RMDN2: variants seen among roughly 807,000 people sequenced by gnomAD.
RMDN2 encodes the protein regulator of microtubule dynamics protein 2.
RMDN2 carries 61 observed loss-of-function variants against 52.8 expected under a neutral mutation model. That is an observed-to-expected ratio of 1.16 (90% confidence interval 0.94 to 1.43). The LOEUF is 1.43. Among genes scored for constraint, RMDN2 ranks in the 40% most tolerant of loss-of-function variants. The pLI, the probability that RMDN2 is intolerant of heterozygous loss-of-function variation, is 0.00. For synonymous variants in RMDN2, 180 were observed against 153.1 expected (o/e 1.18, Z -1.30); for missense variants, 592 against 475.3 (o/e 1.25, Z -2.28).
intron 2 of RMDN2, among the ~76,000 whole-genome samples, chr2:37,967,286 A>G (rs1438175210): frequency 6.6e-6 from 1 of 152,258 alleles, no homozygotes; most frequent in Admixed American, 6.5e-5. Flanking sequence ...AATGGGTGCT[A>G]AAACTGTTGC....
intron 6 of RMDN2, 69 bp from the exon 7 acceptor site, chr2:37,991,151 C>A (rs1223904038): frequency 5.1e-6 from 4 of 787,724 alleles, no homozygotes; most frequent in South Asian, 2.0e-5. Flanking sequence ...AGTTACTAGG[C>A]TTTGGTGTAG....
intron 2 of RMDN2, among the ~76,000 whole-genome samples, chr2:37,966,683 T>G (rs568783080): frequency 9.0e-4 from 137 of 152,330 alleles, no homozygotes; most frequent in African/African-American, 3.2e-3. Context: ...TTGTTTGTTT[T>G]TTTGCCTGTT....
rs1050685396 is a variant in RMDN2 at position 37,925,371 on chromosome 2, A to T, written c.-71A>T. 3 of 152,340 alleles carry T rather than the reference A, an allele frequency of 2.0e-5. No homozygotes were observed. The highest frequency in any genetic ancestry group is 4.4e-5 in the Non-Finnish European group (3 of 68,168). The allele number at this position is 152,340 out of a possible 1,614,324, so 9.4% of individuals were successfully genotyped here. ...TACTGTCCGTCCGCCACTGCGCGCCAGCAGGTCCTGGTCTCCGCTCTCCAA... is the reference window on the plus strand; with the variant it reads ...TACTGTCCGTCCGCCACTGCGCGCCTGCAGGTCCTGGTCTCCGCTCTCCAA... On this transcript the variant is annotated 5_prime_UTR_variant, in exon 1 of 11. Transcript: ENST00000354545.
At chr2:37,987,170 G>C (rs995536295) in intron 5 of RMDN2, among the ~76,000 whole-genome samples, 2 of 152,040 alleles carry the variant, frequency 1.3e-5, no homozygotes, top group Admixed American at 1.3e-4. Context: ...CTCTATACCA[G>C]CAATGAAGAA....
At chr2:38,026,920 G>GT (rs1328697055) in intron 10 of RMDN2, 1 of 142,252 alleles carries the variant, frequency 7.0e-6, no homozygotes, top group Non-Finnish European at 1.5e-5. Flanking sequence ...TTAAAAGTCT[G>GT]TTTTGTTTCA....
intron 10 of RMDN2, among the ~76,000 whole-genome samples, chr2:38,007,788 T>C (rs773334534): frequency 1.2e-4 from 18 of 152,206 alleles, no homozygotes; most frequent in Non-Finnish European, 2.2e-4. Context: ...GTTCTTTTAA[T>C]TGTGATGTTA....
intron 2 of RMDN2, among the ~76,000 whole-genome samples, chr2:37,942,326 CTG>C: frequency 6.6e-6 from 1 of 152,284 alleles, no homozygotes; most frequent in Non-Finnish European, 1.5e-5. Flanking sequence ...ATGCTGCAGA[CTG>C]GAGCTGTTTC....
chr2:38,019,945 T>C (rs540200451), downstream of RMDN2, among the ~76,000 whole-genome samples: 2 of 152,280 alleles, frequency 1.3e-5, no homozygotes, highest in South Asian at 4.2e-4. Context: ...AAAAAAATTT[T>C]TTTTAATTTA....
intron 2 of RMDN2, among the ~76,000 whole-genome samples, chr2:37,966,172 AG>A (rs1261879458): frequency 6.6e-6 from 1 of 152,168 alleles, no homozygotes; most frequent in Non-Finnish European, 1.5e-5. Context: ...CTGTAATCCC[AG>A]CACTTTGGGA....
upstream of RMDN2, among the ~76,000 whole-genome samples, chr2:37,925,097 C>A (rs1383300723): frequency 6.6e-6 from 1 of 152,176 alleles, no homozygotes; most frequent in African/African-American, 2.4e-5. Flanking sequence ...AAGGTGCCGA[C>A]CGGCTTCGAA....
rs764732419 is a variant in RMDN2, at chr2:37,981,349, T to A, written c.791+6T>A. 1 of 1,585,764 alleles carries A rather than the reference T, an allele frequency of 6.3e-7. No individual in the cohort carries two copies. The highest frequency in any genetic ancestry group is 1.1e-5 in the South Asian group (1 of 90,394). On this transcript the variant is annotated splice_donor_region_variant and intron_variant, in intron 5 of 10. Coordinates refer to ENST00000354545, the MANE Select transcript of RMDN2 (RefSeq NM_001170791.3). ...AATGGACATTGTCATCTGTGGTAAG[T>A]GTATAGGATTTATGCAGTCTTTTAA...
At chr2:37,999,407 T>A (rs1481699826) in intron 8 of RMDN2, among the ~76,000 whole-genome samples, 3 of 152,120 alleles carry the variant, frequency 2.0e-5, no homozygotes, top group African/African-American at 7.2e-5. Context: ...CAGCAAAAAC[T>A]CACGGAATTT....
chr2:38,017,061 C>T (rs1295444062), intron 10 of RMDN2, 125 bp from the exon 11 acceptor site: 2 of 427,470 alleles, frequency 4.7e-6, no homozygotes, highest in African/African-American at 2.0e-5. Context: ...ATTGCACGTA[C>T]CCTCATGAAC....
chr2:37,977,335 G>C (rs986833420), intron 4 of RMDN2, among the ~76,000 whole-genome samples: 1 of 152,198 alleles, frequency 6.6e-6, no homozygotes. Context: ...ATCATGGCCC[G>C]TTCTCAACGA....
At chr2:37,950,636 A>T (rs1320622599) in intron 2 of RMDN2, 2 of 1,598,190 alleles carry the variant, frequency 1.3e-6, no homozygotes, top group East Asian at 4.5e-5. Flanking sequence ...CTAAAAGAAC[A>T]TTGAAAATAT....
intron 10 of RMDN2, among the ~76,000 whole-genome samples, chr2:38,062,778 CCA>C: frequency 8.3e-6 from 1 of 120,988 alleles, no homozygotes. Context: ...TTCCCCCCCC[CCA>C]CAACAGTCCC....
At chr2:37,951,929 G>T in intron 2 of RMDN2, 1 of 1,613,246 alleles carries the variant, frequency 6.2e-7, no homozygotes. Flanking sequence ...TTCAACAAAG[G>T]GGCCAATTAT....
downstream of RMDN2, among the ~76,000 whole-genome samples, chr2:38,018,521 C>T (rs1679087078): frequency 6.6e-6 from 1 of 152,100 alleles, no homozygotes; most frequent in Admixed American, 6.6e-5. Context: ...AATATAACTA[C>T]AATCGAATAA....
chr2:37,949,205 C>T (rs1668493665), intron 2 of RMDN2, among the ~76,000 whole-genome samples: 1 of 152,118 alleles, frequency 6.6e-6, no homozygotes, highest in Non-Finnish European at 1.5e-5. Context: ...GCTACATGAG[C>T]CATACATGTA....
Sources: gnomAD v4.1 joint callset for allele counts (sites outside exome capture counted in the v4.1 genomes callset) on GRCh38, gnomAD v4.1.1 for gene constraint, MANE v1.5 for transcripts, NCBI Gene and HGNC (gene_info 2026-07-23, HGNC 2026-07-21) for gene names.